FRMD6: variants seen among roughly 807,000 people sequenced by gnomAD.
The protein encoded by FRMD6 is FERM domain containing 6.
In FRMD6, 37 loss-of-function variants were observed where a neutral mutation model predicts 73.2. The observed-to-expected ratio is 0.51, with a 90% CI of 0.39 to 0.66. The LOEUF is 0.66. Among genes scored for constraint, FRMD6 ranks in the 30% least tolerant of loss-of-function variants. The pLI, the probability that FRMD6 is intolerant of heterozygous loss-of-function variation, is 0.00. For missense variants in FRMD6, 714 were observed against 780.5 expected (o/e 0.91, Z 1.02); for synonymous variants, 273 against 282.2 (o/e 0.97, Z 0.33).
intron 2 of FRMD6, among the ~76,000 whole-genome samples, chr14:51,594,621 G>A (rs1212081566): frequency 6.6e-6 from 1 of 151,918 alleles, no homozygotes; most frequent in South Asian, 2.1e-4. Flanking sequence ...GAGCCACCAC[G>A]CCTGGCTAAT....
the FRMD6 span, among the ~76,000 whole-genome samples, chr14:51,447,795 A>G: frequency 7.8e-3 from 1,191 of 152,174 alleles, 13 homozygotes; most frequent in Middle Eastern, 0.048. Context: ...CCCACCCCTC[A>G]ACACCACCAT....
intron 1 of FRMD6, among the ~76,000 whole-genome samples, chr14:51,553,987 A>G (rs527308617): frequency 7.9e-5 from 12 of 152,310 alleles, no homozygotes; most frequent in African/African-American, 2.6e-4. Context: ...CAATAAAAAG[A>G]ACCAGGGATT....
At chr14:51,614,299 A>G (rs1031555166) in intron 2 of FRMD6, among the ~76,000 whole-genome samples, 2 of 152,180 alleles carry the variant, frequency 1.3e-5, no homozygotes, top group Admixed American at 6.6e-5. Context: ...TTCTAGTCAC[A>G]TGGAATACAG....
At chr14:51,495,547 G>A (rs910255795) in intron 1 of FRMD6, among the ~76,000 whole-genome samples, 1 of 152,180 alleles carries the variant, frequency 6.6e-6, no homozygotes, top group Non-Finnish European at 1.5e-5. Flanking sequence ...ATTGTCTCCC[G>A]ACAGTCCTAG....
intron 1 of FRMD6, among the ~76,000 whole-genome samples, chr14:51,665,648 A>T (rs966266069): frequency 2.0e-5 from 3 of 152,186 alleles, no homozygotes; most frequent in Non-Finnish European, 4.4e-5. Flanking sequence ...TTTATTTTAG[A>T]TCTTCTGGGT....
intron 1 of FRMD6, among the ~76,000 whole-genome samples, chr14:51,491,085 C>G (rs1882977073): frequency 6.6e-6 from 1 of 152,168 alleles, no homozygotes; most frequent in Non-Finnish European, 1.5e-5. Flanking sequence ...GGAGCCCCTT[C>G]CCCTTTGGAA....
chr14:51,473,754 A>G, the FRMD6 span, among the ~76,000 whole-genome samples: 1 of 151,630 alleles, frequency 6.6e-6, no homozygotes, highest in South Asian at 2.1e-4. Flanking sequence ...AGGCAGGAGC[A>G]TCTTTATCTC....
In FRMD6 at chr14:51,555,802, C is replaced by CAA. The variant is rs796732938; in HGVS notation, c.-209-14529_-209-14528dup. 2.7e-3 allele frequency among the ~76,000 whole-genome samples: 236 copies of CAA among 88,508 alleles called. 2 individuals carry two copies. Among genetic ancestry groups the CAA allele is most frequent in the African/African-American group, 9.0e-3 (216 of 23,872 alleles). 58.1% of individuals were successfully genotyped at this position (88,508 alleles called of 152,430 possible). The stretch of plus-strand genomic sequence containing the variant: ...GGGCAACAAGAGCAAAATTCTGACT[C>CAA]AAAAAAAAAAAAAAAAAAGTTATCT... On this transcript the variant is annotated intron_variant, in intron 1 of 14. Coordinates refer to the FRMD6 transcript ENST00000356218.
At chr14:51,585,813 G>C (rs1888993898) in intron 2 of FRMD6, among the ~76,000 whole-genome samples, 1 of 150,590 alleles carries the variant, frequency 6.6e-6, no homozygotes. Flanking sequence ...TGCAATATTT[G>C]ACTTTCTGTT....
chr14:51,599,491 T>C (rs1889912786), intron 2 of FRMD6, among the ~76,000 whole-genome samples: 1 of 152,026 alleles, frequency 6.6e-6, no homozygotes, highest in South Asian at 2.1e-4. Flanking sequence ...AATTGGCAAA[T>C]AGGACCTAAT....
intron 2 of FRMD6, among the ~76,000 whole-genome samples, chr14:51,596,248 G>GATGT (rs1889704918): frequency 6.8e-6 from 1 of 147,602 alleles, no homozygotes; most frequent in African/African-American, 2.5e-5. Context: ...AGGAGAGCCT[G>GATGT]GTGTGTGTGT....
chr14:51,574,543 T>A (rs920702606), intron 2 of FRMD6, among the ~76,000 whole-genome samples: 3 of 152,170 alleles, frequency 2.0e-5, no homozygotes, highest in African/African-American at 7.2e-5. Flanking sequence ...GAGGACATTA[T>A]GTTACATAAA....
At chr14:51,453,285 C>G in the FRMD6 span, among the ~76,000 whole-genome samples, 1 of 151,916 alleles carries the variant, frequency 6.6e-6, no homozygotes, top group Non-Finnish European at 1.5e-5. Flanking sequence ...CGGGGGCTGG[C>G]AGGGAGGATC....
intron 1 of FRMD6, among the ~76,000 whole-genome samples, chr14:51,553,366 A>G (rs762073344): frequency 1.3e-5 from 2 of 152,200 alleles, no homozygotes; most frequent in African/African-American, 4.8e-5. Context: ...AGTACATCAA[A>G]ACACAAGCAG....
chr14:51,553,192 G>A (rs776163974), intron 1 of FRMD6, among the ~76,000 whole-genome samples: 7 of 152,206 alleles, frequency 4.6e-5, no homozygotes, highest in Non-Finnish European at 8.8e-5. Flanking sequence ...ATCTTAAAAA[G>A]GACGCAAATG....
chr14:51,654,482 G>A (rs868170888), intron 1 of FRMD6, among the ~76,000 whole-genome samples: 4 of 152,170 alleles, frequency 2.6e-5, no homozygotes, highest in African/African-American at 9.6e-5. Flanking sequence ...TCAGAGTTGA[G>A]TGTAAATGAG....
At chr14:51,515,286 A>C (rs571098324) in intron 1 of FRMD6, among the ~76,000 whole-genome samples, 8 of 152,290 alleles carry the variant, frequency 5.3e-5, no homozygotes, top group African/African-American at 1.9e-4. Context: ...TCCAGGACAT[A>C]ACTCAGTCCC....
chr14:51,599,299 ATG>A (rs1889901489), intron 2 of FRMD6, among the ~76,000 whole-genome samples: 2 of 152,176 alleles, frequency 1.3e-5, no homozygotes, highest in African/African-American at 4.8e-5. Flanking sequence ...ATGCAGAAGA[ATG>A]AAACTGATCC....
intron 12 of FRMD6, among the ~76,000 whole-genome samples, chr14:51,723,680 C>T (rs1897765301): frequency 6.7e-6 from 1 of 149,958 alleles, no homozygotes; most frequent in Admixed American, 6.6e-5. Flanking sequence ...GTGGCTGGGG[C>T]AGGAGAATCG....
Sources: gnomAD v4.1 joint callset for allele counts (sites outside exome capture counted in the v4.1 genomes callset) on GRCh38, gnomAD v4.1.1 for gene constraint, MANE v1.5 for transcripts, NCBI Gene and HGNC (gene_info 2026-07-23, HGNC 2026-07-21) for gene names.